The following IREB2 variants were observed in gnomAD, a reference collection of about 807,000 sequenced individuals.
IREB2 encodes the protein iron responsive element binding protein 2.
Under a neutral mutation model 118.8 loss-of-function variants are expected in IREB2, and 39 were observed. The observed-to-expected ratio is 0.33, with a 90% CI of 0.25 to 0.43. The LOEUF is 0.43. IREB2 is among the 20% of genes least tolerant of loss of function. The pLI, the probability that IREB2 is intolerant of heterozygous loss-of-function variation, is 1.00. For synonymous variants in IREB2, 372 were observed against 392.2 expected, an observed-to-expected ratio of 0.95 and a Z score of 0.61; for missense variants, 900 against 1,147.3, an observed-to-expected ratio of 0.78 and a Z score of 3.11.
At chr15:78,467,490 G>A (rs1297458341) in intron 5 of IREB2, among the ~76,000 whole-genome samples, 1 of 152,144 alleles carries the variant, frequency 6.6e-6, no homozygotes, top group Non-Finnish European at 1.5e-5. Context: ...TCAGGAGTTC[G>A]AGGCCAGCCT....
At chr15:78,438,056 G>C, upstream of IREB2, 2 of 473,404 alleles carry the variant, frequency 4.2e-6, no homozygotes, top group Non-Finnish European at 7.7e-6. Context: ...CTCCGCCCCC[G>C]CTCGCGAGAA....
At position 78,466,387 on chromosome 15, in the gene IREB2, G is replaced by T. The variant is rs1341453494; in HGVS notation, c.527G>T (p.Gly176Val). The T allele has an allele frequency of 1.2e-6, 2 of 1,613,962 alleles. No homozygotes were observed. The highest frequency in any genetic ancestry group is 1.7e-6 in the Non-Finnish European group (2 of 1,179,976). ...LPCRGQTTCR[G>V]SCDSGELGRN... ...TGCAGAGGCCAGACTACCTGCCGAG[G>T]ATCTTGTGATTCTGGAGAACTAGGC... Residue 176 changes from glycine to valine, a missense_variant, in exon 5 of 22, where the codon GGA becomes GTA. Gly to Val is a moderately radical substitution (Grantham distance 109). Coordinates refer to ENST00000258886, the MANE Select transcript of IREB2 (RefSeq NM_004136.4).
chr15:78,487,186 C>G (rs1453178023), intron 13 of IREB2, among the ~76,000 whole-genome samples: 1 of 19,092 alleles, frequency 5.2e-5, no homozygotes, highest in African/African-American at 5.8e-5. Flanking sequence ...ATCAGAGTGC[C>G]CAATTACAAT....
chr15:78,488,637 T>A lies in IREB2; in HGVS notation c.1952-10T>A. ...TTTTACTGAGTATCATGTTCAAAAA[T>A]TTTAACCAGGTACTGACCCCACCGG... is the stretch of plus-strand genomic sequence containing the variant. On this transcript the variant is annotated splice_polypyrimidine_tract_variant and intron_variant, in intron 15 of 21. Coordinates refer to ENST00000258886, the MANE Select transcript of IREB2 (RefSeq NM_004136.4). The A allele has an allele frequency of 6.3e-7, 1 of 1,586,202 alleles. No homozygotes were observed. Among genetic ancestry groups the A allele is most frequent in the Middle Eastern group, 1.7e-4 (1 of 5,910 alleles).
intron 3 of IREB2, 145 bp from the exon 4 acceptor site, chr15:78,465,106 T>G (rs2051259158): frequency 3.1e-6 from 2 of 640,358 alleles, no homozygotes; most frequent in African/African-American, 1.8e-5. Flanking sequence ...AACAGGATAC[T>G]CCTAACTTAT....
chr15:78,481,829 AAAAC>A (rs1179505279), intron 10 of IREB2: 1 of 152,232 alleles, frequency 6.6e-6, no homozygotes, highest in African/African-American at 2.4e-5. Flanking sequence ...AAAAAAACAA[AAAAC>A]AAACCTGACC....
intron 2 of IREB2, among the ~76,000 whole-genome samples, chr15:78,441,534 A>C (rs537540901): frequency 1.3e-5 from 2 of 152,358 alleles, no homozygotes; most frequent in East Asian, 3.8e-4. Flanking sequence ...GGAGCACATA[A>C]GATGTTTTGA....
At chr15:78,478,486 TGAGTTC>T in intron 10 of IREB2, 89 bp downstream of exon 10, 1 of 780,508 alleles carries the variant, frequency 1.3e-6, no homozygotes, top group Non-Finnish European at 2.2e-6. Context: ...GTTGATTGTT[TGAGTTC>T]AAGAGTTTGA....
chr15:78,449,722 G>A (rs2050991406), intron 2 of IREB2, among the ~76,000 whole-genome samples: 2 of 152,162 alleles, frequency 1.3e-5, no homozygotes, highest in South Asian at 4.1e-4. Flanking sequence ...ATTTAGCCTT[G>A]AATAGTAGAA....
intron 4 of IREB2, among the ~76,000 whole-genome samples, chr15:78,465,976 GA>G (rs1035731084): frequency 2.0e-4 from 31 of 152,150 alleles, no homozygotes; most frequent in African/African-American, 6.8e-4. Flanking sequence ...TTGTTAGGGG[GA>G]AAAAATCTAT....
chr15:78,496,730 C>T lies in IREB2; in HGVS notation c.2596-396C>T, dbSNP rs928572840. ...AGCATATAAGCCACTGCGCCTGGCC[C>T]TATATACCTTCTTTATTCCTTTATT... On this transcript the variant is annotated intron_variant, in intron 20 of 21. Transcript: ENST00000258886. Among the ~76,000 whole-genome samples the T allele has an allele frequency of 2.0e-5, 3 of 152,224 alleles. No individual in the cohort carries two copies. In the East Asian group the frequency reaches 5.8e-4, roughly 29 times the overall value.
chr15:78,462,942 C>T lies in IREB2; in HGVS notation c.127C>T (p.Arg43Trp), dbSNP rs2051220756. The T allele has an allele frequency of 1.9e-6, 3 of 1,609,208 alleles. No homozygotes were observed. Among genetic ancestry groups the T allele is most frequent in the African/African-American group, 1.3e-5 (1 of 74,622 alleles). ...TKYDVLPYSI[R>W]VLLEAAVRNC... The stretch of plus-strand genomic sequence containing the variant: ...ATCAGATGTTCTGCCTTACTCAATA[C>T]GGGTCTTGTTGGAAGCTGCTGTACG... The change falls in exon 3 of 22, where the codon CGG becomes TGG. Residue 43 changes from arginine to tryptophan, a missense_variant. Transcript: ENST00000258886.
chr15:78,438,454 C>T, intron 1 of IREB2, 98 bp downstream of exon 1: 2 of 1,368,876 alleles, frequency 1.5e-6, no homozygotes, highest in Non-Finnish European at 2.0e-6. Flanking sequence ...GCTCGGCAGG[C>T]GCCCAGGCCC....
chr15:78,485,350 A>T lies in IREB2; in HGVS notation c.1574-355A>T, dbSNP rs184485862. Among the ~76,000 whole-genome samples, 527 of 152,340 alleles carry T rather than the reference A, an allele frequency of 3.5e-3. 3 individuals are homozygous for T. Among genetic ancestry groups the T allele is most frequent in the African/African-American group, 0.012 (511 of 41,578 alleles). ...ATTCCTTAGTTGTATAAAACCATGTATAATGTGTTACATTGCTCTTATTGT... is the reference window on the plus strand; with the variant it reads ...ATTCCTTAGTTGTATAAAACCATGTTTAATGTGTTACATTGCTCTTATTGT... On this transcript the variant is annotated intron_variant, in intron 12 of 21. Coordinates refer to ENST00000258886, the MANE Select transcript of IREB2 (RefSeq NM_004136.4).
In IREB2 at chr15:78,493,935, A is replaced by T. The variant is rs1387199323; in HGVS notation, c.2351A>T (p.Tyr784Phe). The change falls in exon 19 of 22, where the codon TAC becomes TTC. Residue 784 changes from tyrosine (Y) to phenylalanine (F), a missense_variant. Transcript: ENST00000258886. Reference protein sequence around the residue: ...RGLTPREFNSYGARRGNDAVM... With the variant: ...RGLTPREFNSFGARRGNDAVM... ...CTTACCCCTCGTGAATTCAACTCTT[A>T]CGGAGCTCGAAGAGGTAATGATGCT... 1 of 1,613,844 alleles carries T rather than the reference A, an allele frequency of 6.2e-7. No homozygotes were observed.
intron 18 of IREB2, 74 bp downstream of exon 18, chr15:78,490,835 G>A (rs2051738925): frequency 1.4e-6 from 2 of 1,389,112 alleles, no homozygotes; most frequent in Non-Finnish European, 9.9e-7. Context: ...TATTGGTCTT[G>A]TTCCTTTTTT....
chr15:78,483,257 T>C (rs914189016), intron 10 of IREB2, 61 bp from the exon 11 acceptor site: 3 of 784,070 alleles, frequency 3.8e-6, no homozygotes, highest in South Asian at 3.1e-5. Flanking sequence ...AATGCTTCAA[T>C]TGGAATCTGT....
At position 78,478,316 on chromosome 15, in the gene IREB2, C is replaced by G. The variant is rs147732146; in HGVS notation, c.1215C>G (p.Leu405=). ...TTTTAGGTTTTAGCAAAGCCAAACT[C>G]GAATCAATGGAAACATACCTTAAAG... ...LEHTGFSKAK[L]ESMETYLKAV... The change falls in exon 10 of 22, where the codon CTC becomes CTG. Residue 405 remains leucine (L), a synonymous_variant. Coordinates refer to ENST00000258886, the MANE Select transcript of IREB2 (RefSeq NM_004136.4). 1.9e-6 allele frequency: 3 copies of G among 1,612,118 alleles called. No individual in the cohort carries two copies. The highest frequency in any genetic ancestry group is 2.2e-5 in the East Asian group (1 of 44,866).
At position 78,498,384 on chromosome 15, in the gene IREB2, C is replaced by T; in HGVS notation, c.*241C>T. On this transcript the variant is annotated 3_prime_UTR_variant, in exon 22 of 22. Coordinates refer to ENST00000258886, the MANE Select transcript of IREB2 (RefSeq NM_004136.4). ...GTGTGAAGTGTGTTGTGGAAGAGACCTGTAAGTATGGGGGGGGGGCGATAT... is the reference window on the plus strand; with the variant it reads ...GTGTGAAGTGTGTTGTGGAAGAGACTTGTAAGTATGGGGGGGGGGCGATAT... The T allele has an allele frequency of 4.9e-6, 1 of 204,144 alleles. No homozygotes were observed. The highest frequency in any genetic ancestry group is 8.6e-6 in the Non-Finnish European group (1 of 116,782). 12.6% of individuals were successfully genotyped at this position (204,144 alleles called of 1,614,324 possible).
Sources: gnomAD v4.1 joint callset for allele counts (sites outside exome capture counted in the v4.1 genomes callset) on GRCh38, gnomAD v4.1.1 for gene constraint, MANE v1.5 for transcripts, NCBI Gene and HGNC (gene_info 2026-07-23, HGNC 2026-07-21) for gene names.